Variants in CCNL2 observed in about 807,000 individuals in gnomAD.
CCNL2 encodes cyclin-L2.
CCNL2 carries 28 observed loss-of-function variants against 59.1 expected under a neutral mutation model. The ratio of observed to expected loss-of-function variants is 0.47; its 90% CI spans 0.35 to 0.65. CCNL2 has a LOEUF of 0.65. Ranked by LOEUF, CCNL2 falls within the 30% of genes least tolerant of loss-of-function variation. The pLI, the probability that CCNL2 is intolerant of heterozygous loss-of-function variation, is 0.00. For synonymous variants in CCNL2, 342 were observed against 288.6 expected (o/e 1.19, Z -1.88); for missense variants, 714 against 717.4 (o/e 1.00, Z 0.05).
chr1:1,398,512 C>G, intron 2 of CCNL2, 85 bp downstream of exon 2: 1 of 1,575,808 alleles, frequency 6.3e-7, no homozygotes. Flanking sequence ...GGCAAGTACT[C>G]ACTCCCTTAG....
At chr1:1,393,320 A>C (rs1644846708) in intron 5 of CCNL2, 76 bp downstream of exon 5, 2 of 1,227,562 alleles carry the variant, frequency 1.6e-6, no homozygotes, top group African/African-American at 3.0e-5. Context: ...CTGCCTACCC[A>C]CTGCCCAAGT....
rs745352821 is a variant in CCNL2, at chr1:1,399,283, AGCC to A, written c.21_23del (p.Ala8del). ...CGGGAGCTGCCGACCCTGCAGCACC[AGCC>A]GCCGCCGCCGCCGCCGCCATTTTGT... On this transcript the variant is annotated inframe_deletion, in exon 1 of 11. Coordinates refer to ENST00000400809, the MANE Select transcript of CCNL2 (RefSeq NM_030937.6). 197 of 1,467,654 alleles carry A rather than the reference AGCC, an allele frequency of 1.3e-4. No homozygotes were observed. Among genetic ancestry groups the A allele is most frequent in the Admixed American group, 6.8e-4 (24 of 35,496 alleles). The allele number at this position is 1,467,654 out of a possible 1,614,324, so 90.9% of individuals were successfully genotyped here. A position where few individuals can be genotyped will look rare whatever the true frequency, so the allele number is the denominator to read the frequency against.
At chr1:1,393,345 C>G (rs924528360) in intron 5 of CCNL2, 51 bp downstream of exon 5, 1 of 1,525,404 alleles carries the variant, frequency 6.6e-7, no homozygotes, top group Non-Finnish European at 9.1e-7. Flanking sequence ...CAAGTCAACA[C>G]ATTCCTGCAC....
chr1:1,394,685 G>C (rs1002073548), intron 4 of CCNL2, among the ~76,000 whole-genome samples: 1 of 150,094 alleles, frequency 6.7e-6, no homozygotes, highest in Non-Finnish European at 1.5e-5. Flanking sequence ...GGGAGGCAGA[G>C]GTTGCAGTGA....
intron 8 of CCNL2, 69 bp downstream of exon 8, chr1:1,390,161 T>C: frequency 7.3e-7 from 1 of 1,375,392 alleles, no homozygotes; most frequent in Non-Finnish European, 9.9e-7. Context: ...TACCCCAGAA[T>C]GGAGGCGGGG....
chr1:1,391,173 C>G, intron 5 of CCNL2: 1 of 1,161,070 alleles, frequency 8.6e-7, no homozygotes, highest in Non-Finnish European at 1.1e-6. Context: ...TTCCCCTCAA[C>G]CTTGGCCTGC....
At position 1,387,268 on chromosome 1, in the gene CCNL2, T is replaced by C; in HGVS notation, c.1526A>G (p.Glu509Gly). The change falls in exon 11 of 11, where the codon GAG (glutamate) becomes GGG (glycine). Residue 509 changes from glutamate (E) to glycine (G), a missense_variant. This residue lies in a region of CCNL2 where 403 missense variants were observed against 377.7 expected (regional missense o/e 1.07). Transcript: ENST00000400809. ...CCTGCTGTGCCCAGGGTGGTCCCGC[T>C]CATAGCGACGGCCTGTGCGTTCATA... ...RSYERTGRRY[E>G]RDHPGHSRHR... 4 of 1,611,194 alleles carry C rather than the reference T, an allele frequency of 2.5e-6. No homozygotes were observed. The highest frequency in any genetic ancestry group is 2.5e-6 in the Non-Finnish European group (3 of 1,179,968).
intron 5 of CCNL2, 117 bp downstream of exon 5, chr1:1,393,279 G>C (rs1041524072): frequency 6.6e-5 from 54 of 818,118 alleles, no homozygotes; most frequent in Non-Finnish European, 1.1e-4. Flanking sequence ...TGGGCACTCG[G>C]ACAACTCCAG....
At chr1:1,387,719 C>T (rs1046874518) in intron 10 of CCNL2, 58 bp downstream of exon 10, 2 of 1,494,826 alleles carry the variant, frequency 1.3e-6, no homozygotes, top group Non-Finnish European at 9.1e-7. Context: ...AGAATGATTA[C>T]CCCGAGGGAC....
In CCNL2 at chr1:1,392,378, G is replaced by A. The variant is rs374736824; in HGVS notation, c.659+1018C>T. 43 of 1,068,116 alleles carry A rather than the reference G, an allele frequency of 4.0e-5. No homozygotes were observed. In the East Asian group the frequency reaches 1.8e-3, roughly 44 times the overall value. The allele number at this position is 1,068,116 out of a possible 1,614,324, so 66.2% of individuals were successfully genotyped here. ...AAAGATGCACACCTTTTACCAGAGC[G>A]TGTCATGCAAAGCTGCTCAAAAGAG... On this transcript the variant is annotated intron_variant, in intron 5 of 10. Transcript: ENST00000400809.
rs151152085 is a variant in CCNL2, at chr1:1,387,274, C to T, written c.1520G>A (p.Arg507His). The change falls in exon 11 of 11, where the codon CGC becomes CAC. Residue 507 changes from arginine (R) to histidine (H), a missense_variant. Coordinates refer to ENST00000400809, the MANE Select transcript of CCNL2 (RefSeq NM_030937.6). ...GTGCCCAGGGTGGTCCCGCTCATAG[C>T]GACGGCCTGTGCGTTCATACGACCT... is the stretch of plus-strand genomic sequence containing the variant. ...RSRSYERTGR[R>H]YERDHPGHSR... 2.8e-4 allele frequency: 444 copies of T among 1,611,748 alleles called. No individual in the cohort carries two copies. In the African/African-American group the frequency reaches 3.6e-3, roughly 13 times the overall value.
At chr1:1,390,437 A>C (rs1644703178) in intron 7 of CCNL2, 22 bp downstream of exon 7, 1 of 1,612,512 alleles carries the variant, frequency 6.2e-7, no homozygotes, top group African/African-American at 1.3e-5. Context: ...CGCATACGTT[A>C]CATGAAAAAA....
intron 10 of CCNL2, 84 bp from the exon 11 acceptor site, chr1:1,387,666 C>T (rs1644528324): frequency 7.1e-7 from 1 of 1,401,444 alleles, no homozygotes; most frequent in Non-Finnish European, 9.7e-7. Flanking sequence ...AGACAAGACA[C>T]ACAAGCTCCA....
chr1:1,398,165 A>G, intron 3 of CCNL2, 68 bp downstream of exon 3: 1 of 1,448,388 alleles, frequency 6.9e-7, no homozygotes, highest in Non-Finnish European at 9.7e-7. Flanking sequence ...TACAAGCCTT[A>G]CTGTAACTTA....
At chr1:1,393,349 C>G (rs1225493979) in intron 5 of CCNL2, 47 bp downstream of exon 5, 5 of 1,543,092 alleles carry the variant, frequency 3.2e-6, no homozygotes, top group Non-Finnish European at 3.6e-6. Flanking sequence ...TCAACACATT[C>G]CTGCACTGCC....
chr1:1,399,283 A>AGCCGCCGCC lies in CCNL2; in HGVS notation c.15_23dup (p.Ala6_Ala8dup), dbSNP rs745352821. 2,590 of 1,470,822 alleles carry AGCCGCCGCC rather than the reference A, an allele frequency of 1.8e-3. 2 individuals carry two copies. Among genetic ancestry groups the AGCCGCCGCC allele is most frequent in the Non-Finnish European group, 2.1e-3 (2,370 of 1,118,652 alleles). 91.1% of individuals were successfully genotyped at this position (1,470,822 alleles called of 1,614,324 possible). ...CGGGAGCTGCCGACCCTGCAGCACC[A>AGCCGCCGCC]GCCGCCGCCGCCGCCGCCGCCATTT... On this transcript the variant is annotated inframe_insertion, in exon 1 of 11. Transcript: ENST00000400809.
chr1:1,398,457 A>G, intron 2 of CCNL2, 115 bp from the exon 3 acceptor site: 1 of 1,570,010 alleles, frequency 6.4e-7, no homozygotes, highest in Non-Finnish European at 8.6e-7. Flanking sequence ...AGGGGAAAAA[A>G]AAAGTCAAGA....
chr1:1,394,468 G>A (rs1292742135), intron 4 of CCNL2, among the ~76,000 whole-genome samples: 5 of 152,122 alleles, frequency 3.3e-5, no homozygotes, highest in African/African-American at 1.2e-4. Context: ...TAACTGTTGA[G>A]GCTGGGTGCA....
intron 5 of CCNL2, chr1:1,392,109 G>A (rs141130366): frequency 1.7e-5 from 3 of 181,276 alleles, no homozygotes; most frequent in Middle Eastern, 3.0e-3. Flanking sequence ...CATCACGGGG[G>A]AATCTGTGTG....
Sources: allele counts gnomAD v4.1 joint callset (sites outside exome capture counted in the v4.1 genomes callset), GRCh38; gene constraint gnomAD v4.1.1; regional missense constraint gnomAD v4.1.1; transcripts MANE v1.5; gene names NCBI Gene and HGNC (gene_info 2026-07-23, HGNC 2026-07-21).